Variants in P4HA2 observed in about 807,000 individuals in gnomAD.
P4HA2 encodes the protein prolyl 4-hydroxylase subunit alpha-2.
In P4HA2, 46 loss-of-function variants were observed where a neutral mutation model predicts 76.9. The observed-to-expected ratio is 0.60, with a 90% CI of 0.47 to 0.76. The LOEUF (loss-of-function observed/expected upper bound fraction) is 0.76, where lower values mean the gene tolerates loss of function less well. Ranked by LOEUF, P4HA2 falls within the 30% of genes least tolerant of loss-of-function variation. The probability of loss-of-function intolerance (pLI) is 0.00; values close to 1 mark genes in which losing one functional copy is unlikely to be tolerated. For missense variants in P4HA2, 583 were observed against 669.4 expected, an observed-to-expected ratio of 0.87 and a Z score of 1.42; for synonymous variants, 243 against 254.0, an observed-to-expected ratio of 0.96 and a Z score of 0.41.
intron 1 of P4HA2, among the ~76,000 whole-genome samples, chr5:132,219,492 G>C (rs1754354826): frequency 6.6e-6 from 1 of 152,134 alleles, no homozygotes; most frequent in Non-Finnish European, 1.5e-5. Flanking sequence ...GGCACAACCT[G>C]AGACAAACCC....
intron 11 of P4HA2, among the ~76,000 whole-genome samples, chr5:132,198,672 C>T (rs1751044009): frequency 6.6e-6 from 1 of 152,192 alleles, no homozygotes; most frequent in Non-Finnish European, 1.5e-5. Flanking sequence ...ACAGGGGAGA[C>T]AGCCAGGCTC....
intron 14 of P4HA2, 105 bp downstream of exon 14, chr5:132,194,821 C>G (rs1580637141): frequency 1.3e-6 from 1 of 775,528 alleles, no homozygotes; most frequent in Admixed American, 1.8e-5. Flanking sequence ...GGGAGACAGT[C>G]TCAGCAAATT....
At chr5:132,210,647 A>G in intron 5 of P4HA2, 124 bp from the exon 6 acceptor site, 1 of 913,748 alleles carries the variant, frequency 1.1e-6, no homozygotes, top group South Asian at 1.5e-5. Flanking sequence ...TCCATCGGAC[A>G]TTTAGACTGC....
In P4HA2 at chr5:132,208,157, A is replaced by C. The variant is rs560245313; in HGVS notation, c.904-273T>G. ...GTCTCTAAAAAATTAGCCAGGCATGATGGTGCATACCTGTAGTCCCAGCTA... is the reference window on the plus strand; with the variant it reads ...GTCTCTAAAAAATTAGCCAGGCATGCTGGTGCATACCTGTAGTCCCAGCTA... On this transcript the variant is annotated intron_variant, in intron 7 of 14. Transcript: ENST00000360568. 3.0e-3 allele frequency among the ~76,000 whole-genome samples: 452 copies of C among 151,228 alleles called. 4 individuals carry two copies. The highest frequency in any genetic ancestry group is 0.01 in the African/African-American group (426 of 41,118).
chr5:132,205,377 G>C (rs1403446722), intron 8 of P4HA2, among the ~76,000 whole-genome samples: 1 of 152,192 alleles, frequency 6.6e-6, no homozygotes, highest in Non-Finnish European at 1.5e-5. Context: ...AGTAGTAAGA[G>C]AGAACAGGCT....
chr5:132,190,216 A>G lies in P4HA2; in HGVS notation c.*2794T>C, dbSNP rs557085754. ...CATTGTACAAATTCAAGAATCCAAA[A>G]AAGTCTCAAACAGGAAAAGAAAAAA... On this transcript the variant is annotated 3_prime_UTR_variant, in exon 15 of 15. Coordinates refer to ENST00000360568, the MANE Select transcript of P4HA2 (RefSeq NM_001017974.2). Among the ~76,000 whole-genome samples the G allele has an allele frequency of 1.6e-4, 25 of 152,354 alleles. No individual in the cohort carries two copies. In the South Asian group the frequency reaches 5.2e-3, roughly 32 times the overall value.
Position 132,210,407 on chromosome 5 carries a change from G to T in P4HA2, c.586C>A (p.Leu196Ile), listed in dbSNP as rs1241313755. 1 of 1,614,132 alleles carries T rather than the reference G, an allele frequency of 6.2e-7. No individual in the cohort carries two copies. Among genetic ancestry groups the T allele is most frequent in the Non-Finnish European group, 8.5e-7 (1 of 1,180,012 alleles). The change falls in exon 6 of 15, where the codon CTT becomes ATT. Residue 196 changes from leucine (L) to isoleucine (I), a missense_variant. Physicochemically the swap from Leu to Ile is conservative, Grantham distance 5. Coordinates refer to ENST00000360568, the MANE Select transcript of P4HA2 (RefSeq NM_001017974.2). ...VLWMEQVLKQLDAGEEATTTK... is the reference protein window; with the variant it reads ...VLWMEQVLKQIDAGEEATTTK... ...GTGGTGGCCTCCTCCCCGGCATCAAGCTGCTTTAGCACCTGCTCCATCCAC... is the reference window on the plus strand; with the variant it reads ...GTGGTGGCCTCCTCCCCGGCATCAATCTGCTTTAGCACCTGCTCCATCCAC...
At chr5:132,210,205 G>C in intron 6 of P4HA2, 79 bp downstream of exon 6, 1 of 1,507,908 alleles carries the variant, frequency 6.6e-7, no homozygotes, top group Non-Finnish European at 9.2e-7. Flanking sequence ...CCCAGGAGAG[G>C]GGTCAGGCAG....
intron 1 of P4HA2, among the ~76,000 whole-genome samples, chr5:132,223,871 A>T (rs930280031): frequency 2.0e-5 from 3 of 152,154 alleles, no homozygotes; most frequent in Middle Eastern, 3.4e-3. Flanking sequence ...CCCAAAACAC[A>T]CTCTGCTAGA....
chr5:132,220,778 C>G (rs1220178394), intron 1 of P4HA2, among the ~76,000 whole-genome samples: 1 of 151,468 alleles, frequency 6.6e-6, no homozygotes, highest in Admixed American at 6.6e-5. Flanking sequence ...TTGGGCAGAG[C>G]CTCAAAGAAT....
intron 10 of P4HA2, chr5:132,202,060 A>T (rs546132430): frequency 6.6e-6 from 1 of 152,256 alleles, no homozygotes; most frequent in South Asian, 2.1e-4. Context: ...GCCAACAGGG[A>T]CTCATCTAGC....
chr5:132,195,842 A>G (rs1750555295), intron 12 of P4HA2: 2 of 301,784 alleles, frequency 6.6e-6, no homozygotes, highest in South Asian at 3.8e-5. Flanking sequence ...TGTACTCTGC[A>G]AAGTGCCCTG....
intron 10 of P4HA2, chr5:132,200,559 G>A (rs1751351598): frequency 6.6e-6 from 1 of 152,210 alleles, no homozygotes; most frequent in South Asian, 2.1e-4. Context: ...TTTTTTTGGG[G>A]GGAGTGGGGG....
At chr5:132,206,963 A>T (rs1181706816) in intron 8 of P4HA2, among the ~76,000 whole-genome samples, 1 of 152,230 alleles carries the variant, frequency 6.6e-6, no homozygotes, top group Non-Finnish European at 1.5e-5. Flanking sequence ...TAGGTAAAAC[A>T]GAGACAGTGA....
Position 132,191,340 on chromosome 5 carries a change from G to A in P4HA2, c.*1670C>T, listed in dbSNP as rs963272060. ...ATCCCGGCTAAAACGGTGAAACCCC[G>A]TCTCTACTAAAAATACAAAAAATTA... On this transcript the variant is annotated 3_prime_UTR_variant, in exon 15 of 15. Coordinates refer to ENST00000360568, the MANE Select transcript of P4HA2 (RefSeq NM_001017974.2). 9.9e-5 allele frequency among the ~76,000 whole-genome samples: 15 copies of A among 151,536 alleles called. No homozygotes were observed. Among genetic ancestry groups the A allele is most frequent in the South Asian group, 4.2e-4 (2 of 4,796 alleles).
intron 4 of P4HA2, among the ~76,000 whole-genome samples, chr5:132,215,850 TAAAAAAAAAAA>T (rs539378974): frequency 8.5e-5 from 7 of 81,910 alleles, no homozygotes; most frequent in Admixed American, 6.9e-4. Context: ...CCTGTCCCTT[TAAAAAAAAAAA>T]AAAAAAAAAA....
chr5:132,191,511 C>CAAAAA lies in P4HA2; in HGVS notation c.*1494_*1498dup, dbSNP rs76741539. Reference sequence around the variant, plus strand: ...TGGGCGACAGAGCGAGACTCCGTCTCAAAAAAAAAAAAAAAAAAAAAGATT... The same window carrying CAAAAA: ...TGGGCGACAGAGCGAGACTCCGTCTCAAAAAAAAAAAAAAAAAAAAAAAAAAGATT... On this transcript the variant is annotated 3_prime_UTR_variant, in exon 15 of 15. Coordinates refer to ENST00000360568, the MANE Select transcript of P4HA2 (RefSeq NM_001017974.2). Among the ~76,000 whole-genome samples, 1 of 49,108 alleles carries CAAAAA rather than the reference C, an allele frequency of 2.0e-5. No individual in the cohort carries two copies. The highest frequency in any genetic ancestry group is 2.1e-4 in the Admixed American group (1 of 4,840). The allele number at this position is 49,108 out of a possible 152,430, so 32.2% of individuals were successfully genotyped here.
chr5:132,207,843 A>G lies in P4HA2; in HGVS notation c.945T>C (p.His315=), dbSNP rs1167856519. The G allele has an allele frequency of 1.2e-6, 2 of 1,603,888 alleles. No individual in the cohort carries two copies. The highest frequency in any genetic ancestry group is 1.3e-5 in the African/African-American group (1 of 74,626). Residue 315 remains histidine, a synonymous_variant, in exon 8 of 15, where the codon CAT becomes CAC. Coordinates refer to ENST00000360568, the MANE Select transcript of P4HA2 (RefSeq NM_001017974.2). The stretch of plus-strand genomic sequence containing the variant: ...TGAGCAGCTGTGGGGCCCTGTTGCC[A>G]TGGTGGTACCTACAGAAAAGCCTCT... ...RQKRLFCRYH[H]GNRAPQLLIA... is the part of the protein sequence containing the mutation.
At chr5:132,207,976 G>T in intron 7 of P4HA2, 92 bp from the exon 8 acceptor site, 2 of 941,582 alleles carry the variant, frequency 2.1e-6, no homozygotes, top group Non-Finnish European at 3.2e-6. Flanking sequence ...TCACCTCATG[G>T]CCAGCAGCTG....
Sources: gnomAD v4.1 joint callset for allele counts (sites outside exome capture counted in the v4.1 genomes callset) on GRCh38, gnomAD v4.1.1 for gene constraint, MANE v1.5 for transcripts, NCBI Gene and HGNC (gene_info 2026-07-23, HGNC 2026-07-21) for gene names.